SHOC1: variants seen among roughly 807,000 people sequenced by gnomAD.
SHOC1 encodes shortage in chiasmata 1, also known as protein shortage in chiasmata 1 ortholog.
In SHOC1, 136 loss-of-function variants were observed where a neutral mutation model predicts 179.2. The observed-to-expected ratio is 0.76, with a 90% confidence interval of 0.66 to 0.87. The LOEUF (loss-of-function observed/expected upper bound fraction) is 0.87, where lower values mean the gene tolerates loss of function less well. SHOC1 is among the 40% of genes least tolerant of loss of function. The probability of loss-of-function intolerance (pLI) is 0.00; values close to 1 mark genes in which losing one functional copy is unlikely to be tolerated. For missense variants in SHOC1, 1,538 were observed against 1,700.8 expected (o/e 0.90, Z 1.68); for synonymous variants, 489 against 586.6 (o/e 0.83, Z 2.41).
At chr9:111,753,789 T>C (rs1360346090) in intron 8 of SHOC1, among the ~76,000 whole-genome samples, 1 of 152,038 alleles carries the variant, frequency 6.6e-6, no homozygotes, top group South Asian at 2.1e-4. Context: ...CTCAAAAAAT[T>C]AGGTATTGAC....
chr9:111,765,225 A>G (rs1835303527), intron 5 of SHOC1, among the ~76,000 whole-genome samples: 1 of 152,214 alleles, frequency 6.6e-6, no homozygotes. Context: ...TATAAAATCT[A>G]AGTAAAAAAC....
intron 10 of SHOC1, among the ~76,000 whole-genome samples, chr9:111,744,493 T>C (rs1469346327): frequency 6.6e-6 from 1 of 152,152 alleles, no homozygotes; most frequent in Non-Finnish European, 1.5e-5. Flanking sequence ...CCTGAGACCA[T>C]TAATAGAAGC....
chr9:111,783,844 T>C (rs1836168210), intron 3 of SHOC1, among the ~76,000 whole-genome samples: 1 of 152,192 alleles, frequency 6.6e-6, no homozygotes, highest in Admixed American at 6.5e-5. Flanking sequence ...CATTGTGAAC[T>C]GGTCCCGTAA....
chr9:111,784,053 C>A (rs957538108), intron 3 of SHOC1, among the ~76,000 whole-genome samples: 1 of 152,122 alleles, frequency 6.6e-6, no homozygotes, highest in Non-Finnish European at 1.5e-5. Context: ...GCCAGCTCCT[C>A]CTTTATCTCA....
intron 15 of SHOC1, among the ~76,000 whole-genome samples, chr9:111,719,350 C>T (rs1440880044): frequency 6.6e-6 from 1 of 152,128 alleles, no homozygotes; most frequent in African/African-American, 2.4e-5. Flanking sequence ...TTCACTTGCT[C>T]GGGATTAATG....
At chr9:111,730,361 C>T (rs1346828020) in intron 12 of SHOC1, among the ~76,000 whole-genome samples, 1 of 152,126 alleles carries the variant, frequency 6.6e-6, no homozygotes, top group South Asian at 2.1e-4. Flanking sequence ...TCAGAGGAAT[C>T]ACTATCTATG....
In SHOC1 at chr9:111,758,833, T is replaced by C. The variant is rs1415268170; in HGVS notation, c.458A>G (p.Asp153Gly). 1 of 1,518,108 alleles carries C rather than the reference T, an allele frequency of 6.6e-7. No individual in the cohort carries two copies. Among genetic ancestry groups the C allele is most frequent in the Non-Finnish European group, 8.9e-7 (1 of 1,118,254 alleles). 94.0% of individuals were successfully genotyped at this position (1,518,108 alleles called of 1,614,324 possible). The change falls in exon 6 of 28, where the codon GAT (aspartate) becomes GGT (glycine). Residue 153 changes from aspartate to glycine, a missense_variant. By Grantham distance (94) the Asp-to-Gly change is moderately conservative. Coordinates refer to ENST00000682961, the MANE Select transcript of SHOC1 (RefSeq NM_001378211.1). Reference protein sequence around the residue: ...QNQNQDLFIDDKGILFVSSRK... With the variant: ...QNQNQDLFIDGKGILFVSSRK... ...ACTACTTACAAAAAGTATTCCTTTA[T>C]CATCAATAAATAAATCTGAAAAGAA...
In SHOC1 at chr9:111,686,766, T is replaced by A; in HGVS notation, c.*4A>T. 3.1e-6 allele frequency: 5 copies of A among 1,590,556 alleles called. No individual in the cohort carries two copies. The highest frequency in any genetic ancestry group is 4.3e-6 in the Non-Finnish European group (5 of 1,159,104). ...ATGGCATGTAACATTGCTCTTCTCCTCCTTCAAAAAAACCTCAGCCGAGTC... is the reference window on the plus strand; with the variant it reads ...ATGGCATGTAACATTGCTCTTCTCCACCTTCAAAAAAACCTCAGCCGAGTC... On this transcript the variant is annotated 3_prime_UTR_variant, in exon 28 of 28. Transcript: ENST00000682961.
chr9:111,693,977 C>CAGT, intron 25 of SHOC1, 29 bp from the exon 26 acceptor site: 1 of 1,567,890 alleles, frequency 6.4e-7, no homozygotes, highest in Non-Finnish European at 8.7e-7. Flanking sequence ...AATAATCAGT[C>CAGT]AGTAGTCTTT....
At chr9:111,689,606 T>A (rs1831338805) in intron 27 of SHOC1, among the ~76,000 whole-genome samples, 1 of 29,454 alleles carries the variant, frequency 3.4e-5, no homozygotes. Flanking sequence ...GAAAAATAAA[T>A]TTTTTTTAAT....
At chr9:111,709,744 T>C (rs892298961) in intron 18 of SHOC1, among the ~76,000 whole-genome samples, 3 of 152,236 alleles carry the variant, frequency 2.0e-5, no homozygotes, top group Non-Finnish European at 4.4e-5. Flanking sequence ...AACTTAATTG[T>C]ACATTTTAAA....
At chr9:111,733,764 A>G (rs138837538) in intron 12 of SHOC1, among the ~76,000 whole-genome samples, 2,012 of 152,100 alleles carry the variant, frequency 0.013, 56 homozygotes, top group African/African-American at 0.046. Context: ...GCTACTTGAG[A>G]GGCTGAGGCA....
At chr9:111,743,282 A>G (rs186878512) in intron 10 of SHOC1, among the ~76,000 whole-genome samples, 19 of 152,132 alleles carry the variant, frequency 1.2e-4, no homozygotes, top group Non-Finnish European at 2.5e-4. Context: ...GATATACAGT[A>G]GTTCCCCCTT....
chr9:111,765,963 G>T (rs1049971218), intron 5 of SHOC1, among the ~76,000 whole-genome samples: 9 of 152,108 alleles, frequency 5.9e-5, no homozygotes, highest in Non-Finnish European at 1.0e-4. Flanking sequence ...TTACAGGCAT[G>T]AGCCACCGTG....
At chr9:111,696,358 G>C (rs1454551291) in intron 24 of SHOC1, among the ~76,000 whole-genome samples, 1 of 152,090 alleles carries the variant, frequency 6.6e-6, no homozygotes, top group Non-Finnish European at 1.5e-5. Flanking sequence ...AATAAAGTAA[G>C]GTAAAGCAAC....
In SHOC1 at chr9:111,737,361, T is replaced by C. The variant is rs373745945; in HGVS notation, c.1417+919A>G. Reference sequence around the variant, plus strand: ...TCTAAATATGTTCATTATCCTATAATAAACTATAAACTTTCCCAAATCTGG... The same window carrying C: ...TCTAAATATGTTCATTATCCTATAACAAACTATAAACTTTCCCAAATCTGG... On this transcript the variant is annotated intron_variant, in intron 12 of 27. Coordinates refer to ENST00000682961, the MANE Select transcript of SHOC1 (RefSeq NM_001378211.1). 1.3e-3 allele frequency among the ~76,000 whole-genome samples: 200 copies of C among 152,318 alleles called. 2 individuals are homozygous for C. In the South Asian group the frequency reaches 0.013, roughly 10 times the overall value.
At position 111,775,749 on chromosome 9, in the gene SHOC1, C is replaced by G. The variant is rs1212340965; in HGVS notation, c.442+42G>C. 5 of 1,525,072 alleles carry G rather than the reference C, an allele frequency of 3.3e-6. No homozygotes were observed. In the South Asian group the frequency reaches 6.2e-5, roughly 19 times the overall value. The allele number at this position is 1,525,072 out of a possible 1,614,324, so 94.5% of individuals were successfully genotyped here. ...CTCACTGAAAAGAATATGTGTATAT[C>G]AGTAAGAAATGTTTTACAACAATAT... On this transcript the variant is annotated intron_variant, in intron 5 of 27. Coordinates refer to ENST00000682961, the MANE Select transcript of SHOC1 (RefSeq NM_001378211.1).
Position 111,686,583 on chromosome 9 carries a change from A to C in SHOC1, c.*187T>G. Reference sequence around the variant, plus strand: ...ATTATTCTGCTAATTGATAAATTAGAATATTTAACTTACAAAGATGCAAAC... The same window carrying C: ...ATTATTCTGCTAATTGATAAATTAGCATATTTAACTTACAAAGATGCAAAC... On this transcript the variant is annotated 3_prime_UTR_variant, in exon 28 of 28. Transcript: ENST00000682961. The C allele has an allele frequency of 2.1e-6, 1 of 470,446 alleles. No individual in the cohort carries two copies. The highest frequency in any genetic ancestry group is 3.8e-6 in the Non-Finnish European group (1 of 261,072). 29.1% of individuals were successfully genotyped at this position (470,446 alleles called of 1,614,324 possible).
At chr9:111,771,754 T>C (rs1217957119) in intron 5 of SHOC1, among the ~76,000 whole-genome samples, 1 of 152,182 alleles carries the variant, frequency 6.6e-6, no homozygotes, top group Non-Finnish European at 1.5e-5. Flanking sequence ...CCTGTCTGTA[T>C]GGTTTTTCAT....
Sources: gnomAD v4.1 joint callset for allele counts (sites outside exome capture counted in the v4.1 genomes callset) on GRCh38, gnomAD v4.1.1 for gene constraint, MANE v1.5 for transcripts, NCBI Gene and HGNC (gene_info 2026-07-23, HGNC 2026-07-21) for gene names.